Variants in VWA8 observed in about 807,000 individuals in gnomAD.
The protein encoded by VWA8 is von Willebrand factor A domain containing 8.
VWA8 carries 221 observed loss-of-function variants against 241.5 expected under a neutral mutation model. That is an observed-to-expected ratio of 0.91 (90% confidence interval 0.82 to 1.02). The LOEUF is 1.02. Among genes scored for constraint, VWA8 ranks in the 50% least tolerant of loss-of-function variants. The pLI, the probability that VWA8 is intolerant of heterozygous loss-of-function variation, is 0.00. For missense variants in VWA8, 2,322 were observed against 2,328.7 expected, an observed-to-expected ratio of 1.00 and a Z score of 0.06; for synonymous variants, 852 against 827.1, an observed-to-expected ratio of 1.03 and a Z score of -0.52.
chr13:41,709,742 T>C (rs762129686), intron 26 of VWA8, among the ~76,000 whole-genome samples: 1 of 151,882 alleles, frequency 6.6e-6, no homozygotes, highest in Non-Finnish European at 1.5e-5. Context: ...TAACTTCACA[T>C]GAGTCACTCT....
rs746732345 is a variant in VWA8, at chr13:41,881,380, G to C, written c.1080+2007C>G. 5.3e-3 allele frequency among the ~76,000 whole-genome samples: 271 copies of C among 50,706 alleles called. 52 individuals carry two copies. The highest frequency in any genetic ancestry group is 9.2e-3 in the Non-Finnish European group (206 of 22,334). The allele number at this position is 50,706 out of a possible 152,430, so 33.3% of individuals were successfully genotyped here. A position where few individuals can be genotyped will look rare whatever the true frequency, so the allele number is the denominator to read the frequency against. The stretch of plus-strand genomic sequence containing the variant: ...TCATAGTTTTTTTTTGCCGGGGGGG[G>C]GGGGGGGGGGGTAAGGTCACAGATC... On this transcript the variant is annotated intron_variant, in intron 9 of 44. Transcript: ENST00000379310.
intron 5 of VWA8, among the ~76,000 whole-genome samples, chr13:41,888,397 C>A (rs1014778415): frequency 6.6e-6 from 1 of 152,156 alleles, no homozygotes; most frequent in African/African-American, 2.4e-5. Context: ...CTGGCAGAAG[C>A]CCTGATTCTC....
intron 29 of VWA8, among the ~76,000 whole-genome samples, chr13:41,695,466 T>G (rs1414067313): frequency 2.6e-5 from 4 of 152,202 alleles, no homozygotes; most frequent in African/African-American, 9.7e-5. Context: ...TAGGGTAGAA[T>G]GAAGAAGAAG....
At chr13:41,602,455 TG>T (rs2044527796) in intron 40 of VWA8, among the ~76,000 whole-genome samples, 3 of 152,116 alleles carry the variant, frequency 2.0e-5, no homozygotes, top group Non-Finnish European at 4.4e-5. Context: ...GGGCAAAAGA[TG>T]GCAAAAATGG....
chr13:41,732,432 A>G (rs914152458), intron 21 of VWA8, among the ~76,000 whole-genome samples: 6 of 151,728 alleles, frequency 4.0e-5, no homozygotes, highest in African/African-American at 1.4e-4. Context: ...TATGTCTTGT[A>G]ACCACTTCAC....
chr13:41,619,295 C>T (rs1239017726), intron 37 of VWA8, among the ~76,000 whole-genome samples: 2 of 152,168 alleles, frequency 1.3e-5, no homozygotes, highest in African/African-American at 2.4e-5. Flanking sequence ...TATAGGAATG[C>T]TTGTGATTTT....
intron 14 of VWA8, among the ~76,000 whole-genome samples, chr13:41,822,034 C>A (rs149190599): frequency 1.3e-5 from 2 of 151,946 alleles, no homozygotes; most frequent in East Asian, 1.9e-4. Context: ...GGGATGTCAA[C>A]GGGTCTGAGG....
At chr13:41,682,127 G>T (rs1488784374) in intron 35 of VWA8, among the ~76,000 whole-genome samples, 2 of 152,106 alleles carry the variant, frequency 1.3e-5, no homozygotes, top group Admixed American at 1.3e-4. Flanking sequence ...AAAATATAAA[G>T]CTATAAAGCA....
At chr13:41,802,105 G>A (rs1869986855) in intron 17 of VWA8, among the ~76,000 whole-genome samples, 1 of 152,180 alleles carries the variant, frequency 6.6e-6, no homozygotes, top group Non-Finnish European at 1.5e-5. Context: ...TCATATGAAG[G>A]AAGGAGGCAC....
Position 41,584,056 on chromosome 13 carries a change from G to A in VWA8, c.5271+3456C>T, listed in dbSNP as rs553543815. 2.0e-5 allele frequency among the ~76,000 whole-genome samples: 3 copies of A among 152,304 alleles called. No homozygotes were observed. In the South Asian group the frequency reaches 6.2e-4, roughly 32 times the overall value. ...CAAATGATTTGGGGGCGGGGGTAGAGAGAGTACTGTAAATATTTGGAGAGA... is the reference window on the plus strand; with the variant it reads ...CAAATGATTTGGGGGCGGGGGTAGAAAGAGTACTGTAAATATTTGGAGAGA... On this transcript the variant is annotated intron_variant, in intron 42 of 44. Transcript: ENST00000379310.
chr13:41,908,481 A>G (rs1024031418), intron 3 of VWA8, among the ~76,000 whole-genome samples: 1 of 152,164 alleles, frequency 6.6e-6, no homozygotes, highest in South Asian at 2.1e-4. Flanking sequence ...CAAGGGAAAA[A>G]AAACAAACAA....
chr13:41,819,244 C>T lies in VWA8; in HGVS notation c.1843G>A (p.Glu615Lys). ...FHYMKPLVKSEEIQVIKEKVP... is the reference protein window; with the variant it reads ...FHYMKPLVKSKEIQVIKEKVP... ...TTTTCCTTAATCACTTGGATTTCTT[C>T]ACTTTTCACAAGTGGTTTCATGTAA... Residue 615 changes from glutamate (E) to lysine (K), a missense_variant, in exon 15 of 45, where the codon GAA becomes AAA. Transcript: ENST00000379310. 6.2e-7 allele frequency: 1 copy of T among 1,605,636 alleles called. No homozygotes were observed. The highest frequency in any genetic ancestry group is 8.5e-7 in the Non-Finnish European group (1 of 1,178,164).
chr13:41,783,753 A>G (rs764147645), intron 19 of VWA8, 42 bp downstream of exon 19: 4 of 1,443,898 alleles, frequency 2.8e-6, no homozygotes, highest in Admixed American at 3.5e-5. Flanking sequence ...GTACTACCAC[A>G]ATTTAAGTGA....
chr13:41,838,077 T>C (rs1457503135), intron 12 of VWA8, among the ~76,000 whole-genome samples: 1 of 152,128 alleles, frequency 6.6e-6, no homozygotes, highest in Non-Finnish European at 1.5e-5. Flanking sequence ...GAAACTCTAC[T>C]GAAAATAAAA....
chr13:41,887,129 T>C, intron 6 of VWA8, 68 bp downstream of exon 6: 1 of 1,528,814 alleles, frequency 6.5e-7, no homozygotes, highest in Non-Finnish European at 8.8e-7. Context: ...AACATTTTTA[T>C]AGCATTGAAG....
At chr13:41,816,625 T>C (rs75585975) in intron 16 of VWA8, 73 bp downstream of exon 16, 242,412 of 1,387,472 alleles carry the variant, frequency 0.17, 22,016 homozygotes, top group East Asian at 0.2. Context: ...AGATTTTAAG[T>C]ACTGAATTCT....
chr13:41,889,837 T>C (rs1190421304), intron 5 of VWA8, among the ~76,000 whole-genome samples: 6 of 152,204 alleles, frequency 3.9e-5, no homozygotes, highest in African/African-American at 1.4e-4. Context: ...GTATTTTTTT[T>C]CCAAATTATT....
At chr13:41,830,743 A>G (rs942168803) in intron 13 of VWA8, 101 bp from the exon 14 acceptor site, 1 of 934,360 alleles carries the variant, frequency 1.1e-6, no homozygotes, top group East Asian at 2.7e-5. Context: ...TATTGCTGGC[A>G]ATTGAGTCTA....
At chr13:41,630,459 T>G (rs928763134) in intron 37 of VWA8, among the ~76,000 whole-genome samples, 4 of 152,034 alleles carry the variant, frequency 2.6e-5, no homozygotes, top group African/African-American at 9.6e-5. Flanking sequence ...CGTAGAGGCT[T>G]AAGAATATTT....
Sources: allele counts gnomAD v4.1 joint callset (sites outside exome capture counted in the v4.1 genomes callset), GRCh38; gene constraint gnomAD v4.1.1; transcripts MANE v1.5; gene names NCBI Gene and HGNC (gene_info 2026-07-23, HGNC 2026-07-21).